Variants in PRH1 observed in about 807,000 individuals in gnomAD.
PRH1 encodes proline rich protein HaeIII subfamily 1, also known as salivary acidic proline-rich phosphoprotein 1/2.
In PRH1, 7 loss-of-function variants were observed where a neutral mutation model predicts 7.9. That is an observed-to-expected ratio of 0.89 (90% CI 0.50 to 1.67). The LOEUF (loss-of-function observed/expected upper bound fraction) is 1.67. Among genes scored for constraint, PRH1 ranks in the 40% most tolerant of loss-of-function variants. The pLI is 0.00. For synonymous variants in PRH1, 45 were observed against 80.8 expected (o/e 0.56, Z 2.38); for missense variants, 109 against 223.6 (o/e 0.49, Z 3.27).
At chr12:11,124,900 T>C (rs1946059374) in intron 1 of PRH1, among the ~76,000 whole-genome samples, 1 of 151,660 alleles carries the variant, frequency 6.6e-6, no homozygotes, top group African/African-American at 2.4e-5. Context: ...TGCAGTGCAA[T>C]GGCGCAATAT....
At chr12:11,068,828 C>T (rs1300953080) in intron 1 of PRH1, among the ~76,000 whole-genome samples, 2 of 152,088 alleles carry the variant, frequency 1.3e-5, no homozygotes, top group East Asian at 1.9e-4. Flanking sequence ...GGTGGGTCAC[C>T]CTCACTCTGA....
At chr12:10,984,599 T>C (rs1167207047) in intron 1 of PRH1, among the ~76,000 whole-genome samples, 1 of 152,132 alleles carries the variant, frequency 6.6e-6, no homozygotes, top group Non-Finnish European at 1.5e-5. Context: ...TCTGCTTTTA[T>C]GGTGCTTACA....
At chr12:11,017,857 G>A (rs1591817655) in intron 1 of PRH1, among the ~76,000 whole-genome samples, 4 of 152,034 alleles carry the variant, frequency 2.6e-5, no homozygotes, top group African/African-American at 4.8e-5. Flanking sequence ...GAAGCACGGC[G>A]TTTATTGAGC....
chr12:11,139,912 C>T (rs139666152), intron 1 of PRH1, among the ~76,000 whole-genome samples: 1,552 of 151,954 alleles, frequency 0.01, 18 homozygotes, highest in Non-Finnish European at 0.012. Context: ...AAATAAGTAA[C>T]GTAAGAGTAA....
chr12:11,167,357 T>A (rs1369535682), intron 1 of PRH1, among the ~76,000 whole-genome samples: 1 of 152,182 alleles, frequency 6.6e-6, no homozygotes, highest in East Asian at 1.9e-4. Context: ...TCAGCCATTT[T>A]CTTGTTACCT....
chr12:11,103,866 C>G (rs1945329648), intron 1 of PRH1, among the ~76,000 whole-genome samples: 1 of 151,994 alleles, frequency 6.6e-6, no homozygotes, highest in Admixed American at 6.6e-5. Context: ...AGAAATTCCT[C>G]AAATAAAATT....
At chr12:10,888,195 C>G (rs778259571), upstream of PRH1, among the ~76,000 whole-genome samples, 4 of 152,120 alleles carry the variant, frequency 2.6e-5, no homozygotes, top group Non-Finnish European at 4.4e-5. Flanking sequence ...AGTTAATGAC[C>G]TTATGGTTAC....
At chr12:11,128,862 A>G (rs1194745453) in intron 1 of PRH1, among the ~76,000 whole-genome samples, 1 of 152,208 alleles carries the variant, frequency 6.6e-6, no homozygotes, top group Non-Finnish European at 1.5e-5. Flanking sequence ...GCAGGAACCA[A>G]AGATTGTTAA....
chr12:10,962,342 T>C (rs1193880726), intron 2 of PRH1, among the ~76,000 whole-genome samples: 1 of 152,212 alleles, frequency 6.6e-6, no homozygotes, highest in East Asian at 1.9e-4. Context: ...AAATATATCA[T>C]TCACAATCGA....
At chr12:11,045,661 CA>C (rs34239172) in intron 1 of PRH1, among the ~76,000 whole-genome samples, 66,829 of 151,742 alleles carry the variant, frequency 0.44, 15,526 homozygotes, top group Non-Finnish European at 0.51. Context: ...GTTAAAATAC[CA>C]AAAAATGTAA....
chr12:11,048,880 T>C (rs941681052), upstream of PRH1: 1 of 277,808 alleles, frequency 3.6e-6, no homozygotes, highest in Non-Finnish European at 7.3e-6. Flanking sequence ...ACCAACATTC[T>C]TAATCCTTTT....
At chr12:10,881,246 T>C (rs868720297) in intron 3 of PRH1, among the ~76,000 whole-genome samples, 190 bp from the exon 4 acceptor site, 5 of 152,218 alleles carry the variant, frequency 3.3e-5, no homozygotes. Flanking sequence ...GCACATAATG[T>C]GATTTAAAGT....
At chr12:11,077,683 G>T in intron 1 of PRH1, 1 of 1,165,592 alleles carries the variant, frequency 8.6e-7, no homozygotes. Flanking sequence ...CAGAATGAAG[G>T]GTATGAGGTT....
chr12:11,148,207 T>G (rs1484128985), intron 1 of PRH1, among the ~76,000 whole-genome samples: 1 of 148,642 alleles, frequency 6.7e-6, no homozygotes, highest in African/African-American at 2.5e-5. Context: ...TGGGATTTTC[T>G]AGATATACAA....
chr12:11,123,185 GTA>G (rs1945971590), intron 1 of PRH1, among the ~76,000 whole-genome samples: 26 of 82,010 alleles, frequency 3.2e-4, no homozygotes, highest in Admixed American at 1.1e-3. Flanking sequence ...TTTCACTTCT[GTA>G]TATTTTTCCA....
At position 11,084,042 on chromosome 12, in the gene PRH1, T is replaced by C. The variant is rs1242285528; in HGVS notation, n.124-36854A>G. Among the ~76,000 whole-genome samples, 2 of 129,004 alleles carry C rather than the reference T, an allele frequency of 1.6e-5. 1 individual carries two copies. The highest frequency in any genetic ancestry group is 3.6e-5 in the Non-Finnish European group (2 of 56,088). 84.6% of individuals were successfully genotyped at this position (129,004 alleles called of 152,430 possible). On this transcript the variant is annotated intron_variant and non_coding_transcript_variant, in intron 1 of 4. Coordinates refer to the PRH1 transcript ENST00000541977. ...CTCCTTCTTTTTGCAAATCCTGCATTTACCCTATTTGGAAAAGTTTAAGTC... is the reference window on the plus strand; with the variant it reads ...CTCCTTCTTTTTGCAAATCCTGCATCTACCCTATTTGGAAAAGTTTAAGTC...
chr12:11,141,045 A>G (rs1240910297), intron 1 of PRH1, among the ~76,000 whole-genome samples: 1 of 152,160 alleles, frequency 6.6e-6, no homozygotes, highest in African/African-American at 2.4e-5. Context: ...ATTAATACAA[A>G]CACACTCACA....
intron 1 of PRH1, among the ~76,000 whole-genome samples, chr12:11,138,963 C>G (rs1250770779): frequency 3.9e-5 from 6 of 152,062 alleles, no homozygotes; most frequent in African/African-American, 1.2e-4. Flanking sequence ...TCACTTCAGC[C>G]CGGGTGGCAG....
Position 11,089,663 on chromosome 12 carries a change from A to T in PRH1, n.124-42475T>A, listed in dbSNP as rs563405021. On this transcript the variant is annotated intron_variant and non_coding_transcript_variant, in intron 1 of 4. Coordinates refer to the PRH1 transcript ENST00000541977. ...CATTTTGGTAAAGTAGCTGGTTACTAACTCAATTTTTTGAAATGAAATGCC... is the reference window on the plus strand; with the variant it reads ...CATTTTGGTAAAGTAGCTGGTTACTTACTCAATTTTTTGAAATGAAATGCC... Among the ~76,000 whole-genome samples the T allele has an allele frequency of 3.9e-5, 5 of 128,962 alleles. 1 individual carries two copies. The East Asian group carries it at 1.0e-3, about 26-fold the overall frequency. The allele number at this position is 128,962 out of a possible 152,430, so 84.6% of individuals were successfully genotyped here.
Sources: allele counts gnomAD v4.1 joint callset (sites outside exome capture counted in the v4.1 genomes callset), GRCh38; gene constraint gnomAD v4.1.1; transcripts MANE v1.5; gene names NCBI Gene and HGNC (gene_info 2026-07-23, HGNC 2026-07-21).